HERC1: variants seen among roughly 807,000 people sequenced by gnomAD.
HERC1 encodes the protein probable E3 ubiquitin-protein ligase HERC1.
HERC1 carries 160 observed loss-of-function variants against 554.3 expected under a neutral mutation model. That is an observed-to-expected ratio of 0.29 (90% CI 0.25 to 0.33). HERC1 has a LOEUF of 0.33. Ranked by LOEUF, HERC1 falls within the 10% of genes least tolerant of loss-of-function variation. The pLI is 1.00. For missense variants in HERC1, 4,919 were observed against 5,918.5 expected (o/e 0.83, Z 5.54); for synonymous variants, 2,175 against 2,131.7 (o/e 1.02, Z -0.56).
chr15:63,810,031 A>T (rs577373273), intron 1 of HERC1, among the ~76,000 whole-genome samples: 1 of 152,310 alleles, frequency 6.6e-6, no homozygotes, highest in South Asian at 2.1e-4. Context: ...TTATACACAT[A>T]TACTAGAATT....
chr15:63,753,426 T>C (rs1199578225), intron 7 of HERC1, among the ~76,000 whole-genome samples: 2 of 152,214 alleles, frequency 1.3e-5, no homozygotes, highest in African/African-American at 4.8e-5. Context: ...AGGTACTATA[T>C]GCGTATAATT....
intron 3 of HERC1, 79 bp downstream of exon 3, chr15:63,764,017 G>A (rs1008468441): frequency 2.5e-6 from 2 of 786,820 alleles, no homozygotes; most frequent in East Asian, 4.4e-5. Context: ...AGAGAAAATG[G>A]ATTATTTTTA....
At position 63,706,760 on chromosome 15, in the gene HERC1, T is replaced by A; in HGVS notation, c.4636+20A>T. The A allele has an allele frequency of 6.9e-7, 1 of 1,452,158 alleles. No individual in the cohort carries two copies. Among genetic ancestry groups the A allele is most frequent in the Non-Finnish European group, 9.4e-7 (1 of 1,068,012 alleles). The allele number at this position is 1,452,158 out of a possible 1,614,324, so 90.0% of individuals were successfully genotyped here. On this transcript the variant is annotated intron_variant, in intron 25 of 77. Transcript: ENST00000443617. ...GGGTCTCACTAAGATATTTACTATGTTCTTAATACTTACACTTACCTCTCT... is the reference window on the plus strand; with the variant it reads ...GGGTCTCACTAAGATATTTACTATGATCTTAATACTTACACTTACCTCTCT...
intron 25 of HERC1, among the ~76,000 whole-genome samples, chr15:63,704,738 T>A (rs2072911051): frequency 6.9e-6 from 1 of 144,564 alleles, no homozygotes; most frequent in Admixed American, 6.9e-5. Flanking sequence ...TCTGTAATTT[T>A]TTTTTTTTTT....
intron 2 of HERC1, among the ~76,000 whole-genome samples, chr15:63,769,242 ACC>A (rs1462147093): frequency 6.7e-6 from 1 of 150,130 alleles, no homozygotes; most frequent in African/African-American, 2.5e-5. Context: ...ACATGGCAAA[ACC>A]CCGTCTCTAC....
In HERC1 at chr15:63,749,605, G is replaced by A. The variant is rs2141787072; in HGVS notation, c.2047+42C>T. The A allele has an allele frequency of 1.9e-6, 3 of 1,585,062 alleles. No individual in the cohort carries two copies. Among genetic ancestry groups the A allele is most frequent in the Non-Finnish European group, 2.6e-6 (3 of 1,165,446 alleles). On this transcript the variant is annotated intron_variant, in intron 9 of 77. Coordinates refer to ENST00000443617, the MANE Select transcript of HERC1 (RefSeq NM_003922.4). The surrounding 1 kb of genome is among the most constrained non-coding windows in gnomAD (Gnocchi z 4.1). ...ATTCAAATGTAATATATTTACACAAGACAACAGTTAATACTATTTCCTTAA... is the reference window on the plus strand; with the variant it reads ...ATTCAAATGTAATATATTTACACAAAACAACAGTTAATACTATTTCCTTAA...
chr15:63,636,008 G>A lies in HERC1; in HGVS notation c.12367C>T (p.Arg4123Trp). 1.2e-6 allele frequency: 2 copies of A among 1,613,834 alleles called. No homozygotes were observed. The highest frequency in any genetic ancestry group is 1.7e-6 in the Non-Finnish European group (2 of 1,179,856). ...AAGGCCTCGATCTGCCTGGGCCGCCGCTGCCTGTCGCTGTTCCCATGGCCA... is the reference window on the plus strand; with the variant it reads ...AAGGCCTCGATCTGCCTGGGCCGCCACTGCCTGTCGCTGTTCCCATGGCCA... ...KLGHGNSDRQ[R>W]RPRQIEALQG... is the part of the protein sequence containing the mutation. Residue 4123 changes from arginine to tryptophan, a missense_variant, in exon 65 of 78, where the codon CGG (arginine) becomes TGG (tryptophan). Transcript: ENST00000443617.
Position 63,754,561 on chromosome 15 carries a change from G to A in HERC1, c.1718C>T (p.Thr573Ile). The A allele has an allele frequency of 6.2e-7, 1 of 1,613,478 alleles. No homozygotes were observed. The highest frequency in any genetic ancestry group is 2.2e-5 in the East Asian group (1 of 44,824). ...VGEVSCGSSH[T>I]IALSKDGRTV... ...TCTCCCATCTTTAGACAGAGCAATA[G>A]TATGTGAACTGCCACAAGAAACCTC... is the stretch of plus-strand genomic sequence containing the variant. Residue 573 changes from threonine to isoleucine, a missense_variant, in exon 7 of 78, where the codon ACT (threonine) becomes ATT (isoleucine). Thr to Ile is a moderately conservative substitution (Grantham distance 89). Transcript: ENST00000443617.
Position 63,729,481 on chromosome 15 carries a change from A to G in HERC1, c.3021+16T>C, listed in dbSNP as rs1596086263. The stretch of plus-strand genomic sequence containing the variant: ...GGTCCCTGATAGATCACCATAAAAG[A>G]CAAATAATCGCATACCTCACTAATG... On this transcript the variant is annotated intron_variant, in intron 15 of 77. Coordinates refer to ENST00000443617, the MANE Select transcript of HERC1 (RefSeq NM_003922.4). 6.2e-7 allele frequency: 1 copy of G among 1,609,860 alleles called. No homozygotes were observed. Among genetic ancestry groups the G allele is most frequent in the African/African-American group, 1.3e-5 (1 of 74,934 alleles).
intron 1 of HERC1, among the ~76,000 whole-genome samples, chr15:63,821,749 A>AAAAAAAAAAAAAAC (rs2077706197): frequency 6.7e-6 from 1 of 150,358 alleles, no homozygotes; most frequent in Non-Finnish European, 1.5e-5. Context: ...AAAAAAAAAA[A>AAAAAAAAAAAAAAC]ATCAGATAAT....
chr15:63,635,931 A>G lies in HERC1; in HGVS notation c.12414+30T>C, dbSNP rs1040000175. On this transcript the variant is annotated intron_variant, in intron 65 of 77. Coordinates refer to ENST00000443617, the MANE Select transcript of HERC1 (RefSeq NM_003922.4). ...TTCAACAACTAGTATATTTACAATG[A>G]AAGGCAAACTTATCCATTTCCTGCC... The G allele has an allele frequency of 5.0e-6, 8 of 1,607,380 alleles. No individual in the cohort carries two copies. The African/African-American group carries it at 1.1e-4, about 22-fold the overall frequency.
intron 26 of HERC1, 54 bp from the exon 27 acceptor site, chr15:63,696,393 ACT>A: frequency 7.9e-7 from 1 of 1,265,330 alleles, no homozygotes; most frequent in Non-Finnish European, 1.1e-6. Flanking sequence ...ACATGATGAA[ACT>A]CTGTATGCCA....
intron 19 of HERC1, among the ~76,000 whole-genome samples, chr15:63,720,136 TC>T (rs11321548): frequency 1 from 123,356 of 123,358 alleles, 61,677 homozygotes; most frequent in Middle Eastern, 1. Context: ...AGGGTCTCAC[TC>T]CTGCTGTCCA....
chr15:63,749,504 C>T lies in HERC1; in HGVS notation c.2082G>A (p.Met694Ile), dbSNP rs1371203674. ...TGGAATTTCCCTGACCACATTGCCC[C>T]ATTGAGTTATTGCCCCAGGCATAAA... is the stretch of plus-strand genomic sequence containing the variant. ...NEVYAWGNNS[M>I]GQCGQGNSTG... The change falls in exon 10 of 78, where the codon ATG becomes ATA. Residue 694 changes from methionine (M) to isoleucine (I), a missense_variant. Met to Ile is a conservative substitution (Grantham distance 10). Around this residue, in one of 11 missense-constraint regions of HERC1, gnomAD observed 744 missense variants for 1,090.0 expected, o/e 0.68. Transcript: ENST00000443617. The surrounding 1 kb of genome is among the most constrained non-coding windows in gnomAD (Gnocchi z 4.1). 3.1e-6 allele frequency: 5 copies of T among 1,612,852 alleles called. No individual in the cohort carries two copies. Among genetic ancestry groups the T allele is most frequent in the Non-Finnish European group, 4.2e-6 (5 of 1,179,424 alleles).
rs1489098882 is a variant in HERC1 at position 63,680,332 on chromosome 15, A to AG, written c.6466-173_6466-172insC. The stretch of plus-strand genomic sequence containing the variant: ...AATTCTACATATAATAAGTGATCAT[A>AG]ATGTGTTCATCTGTTTCAAAAATCT... On this transcript the variant is annotated intron_variant, in intron 35 of 77. Coordinates refer to ENST00000443617, the MANE Select transcript of HERC1 (RefSeq NM_003922.4). This position sits in a 1 kb window ranked among gnomAD's most constrained non-coding sequence, Gnocchi z 5.8. Among the ~76,000 whole-genome samples the AG allele has an allele frequency of 1.3e-5, 2 of 152,194 alleles. No homozygotes were observed. Among genetic ancestry groups the AG allele is most frequent in the Non-Finnish European group, 2.9e-5 (2 of 68,028 alleles).
chr15:63,662,074 G>C, intron 44 of HERC1, 53 bp from the exon 45 acceptor site: 1 of 1,530,778 alleles, frequency 6.5e-7, no homozygotes, highest in Non-Finnish European at 9.0e-7. Flanking sequence ...ATAAAACCAA[G>C]AAGTACCAAG....
At chr15:63,709,273 G>C (rs1432443484) in intron 24 of HERC1, among the ~76,000 whole-genome samples, 1 of 151,982 alleles carries the variant, frequency 6.6e-6, no homozygotes, top group Non-Finnish European at 1.5e-5. Flanking sequence ...GCCTCCCAAA[G>C]TGCTGGGGTT....
At chr15:63,686,602 G>T in intron 33 of HERC1, 67 bp from the exon 34 acceptor site, 1 of 1,360,912 alleles carries the variant, frequency 7.3e-7, no homozygotes, top group Non-Finnish European at 1.0e-6. Flanking sequence ...ATATTCTGAG[G>T]CTCCTTGGTT....
chr15:63,652,847 G>A (rs950335078), intron 51 of HERC1, among the ~76,000 whole-genome samples: 2 of 151,984 alleles, frequency 1.3e-5, no homozygotes, highest in Non-Finnish European at 2.9e-5. Flanking sequence ...GATAGGTTTC[G>A]CCATGATGGC....
Sources: allele counts gnomAD v4.1 joint callset (sites outside exome capture counted in the v4.1 genomes callset), GRCh38; gene constraint gnomAD v4.1.1; regional missense constraint gnomAD v4.1.1; non-coding constraint Gnocchi (gnomAD v3.1); transcripts MANE v1.5; gene names NCBI Gene and HGNC (gene_info 2026-07-23, HGNC 2026-07-21).